The following SLC17A1 variants were observed in gnomAD, a reference collection of about 807,000 sequenced individuals.
SLC17A1 encodes sodium-dependent phosphate transport protein 1.
In SLC17A1, 51 loss-of-function variants were observed where a neutral mutation model predicts 53.5. The ratio of observed to expected loss-of-function variants is 0.95; its 90% CI spans 0.76 to 1.20. SLC17A1 has a LOEUF of 1.20. SLC17A1 is among the 50% of genes most tolerant of loss of function. The pLI is 0.00. For synonymous variants in SLC17A1, 179 were observed against 198.8 expected, an observed-to-expected ratio of 0.90 and a Z score of 0.84; for missense variants, 538 against 568.2, an observed-to-expected ratio of 0.95 and a Z score of 0.54.
In SLC17A1 at chr6:25,820,583, A is replaced by G. The variant is rs1319881379; in HGVS notation, c.208-668T>C. The stretch of plus-strand genomic sequence containing the variant: ...AGGGCCTTCTATTGTTTCTTTTTAC[A>G]TTATTAAAGAATGATGGCCGGGCGC... On this transcript the variant is annotated intron_variant, in intron 3 of 12. Transcript: ENST00000244527. Among the ~76,000 whole-genome samples the G allele has an allele frequency of 2.6e-5, 4 of 152,086 alleles. No individual in the cohort carries two copies. The East Asian group carries it at 5.8e-4, about 22-fold the overall frequency.
the SLC17A1 span, among the ~76,000 whole-genome samples, chr6:25,767,251 A>G: frequency 6.6e-6 from 1 of 152,232 alleles, no homozygotes; most frequent in Non-Finnish European, 1.5e-5. Context: ...GCTCAACTAT[A>G]TATACTAAAT....
At chr6:25,800,068 C>T (rs1461492225) in intron 11 of SLC17A1, among the ~76,000 whole-genome samples, 11 of 152,136 alleles carry the variant, frequency 7.2e-5, no homozygotes, top group Admixed American at 7.2e-4. Context: ...CTACACACTA[C>T]CATTCCTTTG....
At chr6:25,726,505 C>A in the SLC17A1 span, 1 of 1,610,860 alleles carries the variant, frequency 6.2e-7, no homozygotes, top group Admixed American at 1.7e-5. Context: ...TGCTTTTCCT[C>A]CCTGCTTCCC....
the SLC17A1 span, chr6:25,770,431 C>T: frequency 4.4e-5 from 71 of 1,613,978 alleles, no homozygotes; most frequent in African/African-American, 7.2e-4. Flanking sequence ...AATGGGCTCC[C>T]CCACTGGAAA....
the SLC17A1 span, among the ~76,000 whole-genome samples, chr6:25,728,398 G>A: frequency 6.6e-6 from 1 of 152,144 alleles, no homozygotes; most frequent in Non-Finnish European, 1.5e-5. Context: ...CCTTAAAAAT[G>A]GATCAAATAT....
chr6:25,767,442 C>T, the SLC17A1 span, among the ~76,000 whole-genome samples: 5 of 152,118 alleles, frequency 3.3e-5, no homozygotes, highest in Admixed American at 6.6e-5. Flanking sequence ...TGTTATTAAT[C>T]TCATTTTTCA....
the SLC17A1 span, among the ~76,000 whole-genome samples, chr6:25,764,830 C>T: frequency 6.3e-4 from 96 of 152,274 alleles, no homozygotes; most frequent in Non-Finnish European, 1.1e-3. Flanking sequence ...GCATCAGGGG[C>T]CAGTGCTACA....
chr6:25,819,226 G>T, intron 5 of SLC17A1, 72 bp from the exon 6 acceptor site: 1 of 1,043,590 alleles, frequency 9.6e-7, no homozygotes. Flanking sequence ...TAGCCTCACT[G>T]TAGCAATGAA....
chr6:25,726,647 T>C, the SLC17A1 span: 1 of 1,290,778 alleles, frequency 7.7e-7, no homozygotes, highest in Non-Finnish European at 1.1e-6. Flanking sequence ...GTCTACCCAA[T>C]CAGAAAGTCG....
rs1449230965 is a variant in SLC17A1, at chr6:25,814,983, TCACACAAACACACACACA to T, written c.617-1788_617-1771del. On this transcript the variant is annotated intron_variant, in intron 6 of 12. Transcript: ENST00000244527. ...GCTGGCCGACAAAAGCAAGACTCTG[TCACACAAACACACACACA>T]CACACACACACACACACACACACAC... Among the ~76,000 whole-genome samples the T allele has an allele frequency of 5.6e-3, 783 of 140,540 alleles. 5 individuals are homozygous for T. The highest frequency in any genetic ancestry group is 9.1e-3 in the African/African-American group (343 of 37,714). The allele number at this position is 140,540 out of a possible 152,430, so 92.2% of individuals were successfully genotyped here.
intron 6 of SLC17A1, among the ~76,000 whole-genome samples, chr6:25,813,929 G>A (rs911617520): frequency 1.3e-5 from 2 of 152,100 alleles, no homozygotes; most frequent in African/African-American, 4.8e-5. Flanking sequence ...TCTTTTTATG[G>A]CTGCATAGTA....
the SLC17A1 span, chr6:25,726,904 T>C: frequency 9.9e-6 from 16 of 1,608,954 alleles, no homozygotes; most frequent in African/African-American, 1.3e-5. Flanking sequence ...AAGTGTGTGG[T>C]AGCTATGCCG....
chr6:25,764,574 A>T, the SLC17A1 span, among the ~76,000 whole-genome samples: 8 of 152,260 alleles, frequency 5.3e-5, no homozygotes, highest in Admixed American at 1.3e-4. Context: ...GAGAGGAGCC[A>T]AGAGCTCATA....
Position 25,819,595 on chromosome 6 carries a change from T to A in SLC17A1, c.445A>T (p.Ile149Leu). 6.2e-7 allele frequency: 1 copy of A among 1,613,804 alleles called. No individual in the cohort carries two copies. The highest frequency in any genetic ancestry group is 8.5e-7 in the Non-Finnish European group (1 of 1,179,708). Residue 149 changes from isoleucine (I) to leucine (L), a missense_variant, in exon 5 of 13, where the codon ATA (isoleucine) becomes TTA (leucine). Ile to Leu is a conservative substitution (Grantham distance 5). Coordinates refer to ENST00000244527, the MANE Select transcript of SLC17A1 (RefSeq NM_005074.5). Reference sequence around the variant, plus strand: ...ATTTCAAACTGGGCTGTTGCAACTATCCCCTGAAATGAGAAAGGTTTGACA... The same window carrying A: ...ATTTCAAACTGGGCTGTTGCAACTAACCCCTGAAATGAGAAAGGTTTGACA... ...CRAVQGAAQG[I>L]VATAQFEIYV...
chr6:25,777,086 A>G, the SLC17A1 span: 1 of 979,912 alleles, frequency 1.0e-6, no homozygotes, highest in Non-Finnish European at 1.5e-6. Context: ...CACCAGCTCT[A>G]CATCCTACAT....
intron 10 of SLC17A1, among the ~76,000 whole-genome samples, chr6:25,806,948 G>A (rs973288932): frequency 3.3e-5 from 5 of 152,070 alleles, no homozygotes; most frequent in African/African-American, 1.2e-4. Context: ...CTAATTATCA[G>A]TGAAATGCAA....
chr6:25,742,660 C>A, the SLC17A1 span, among the ~76,000 whole-genome samples: 1 of 151,784 alleles, frequency 6.6e-6, no homozygotes, highest in East Asian at 1.9e-4. Flanking sequence ...GAAATTTAGT[C>A]GGGTGTGGTG....
chr6:25,724,592 T>TGTA, the SLC17A1 span, among the ~76,000 whole-genome samples: 1 of 152,252 alleles, frequency 6.6e-6, no homozygotes, highest in Non-Finnish European at 1.5e-5. Context: ...AAAAGTATTA[T>TGTA]GTAGTGCATT....
chr6:25,773,530 G>T, the SLC17A1 span: 2 of 1,613,876 alleles, frequency 1.2e-6, no homozygotes, highest in Non-Finnish European at 1.7e-6. Context: ...CACCAGGCTG[G>T]TCTCTTCCCA....
Sources: allele counts gnomAD v4.1 joint callset (sites outside exome capture counted in the v4.1 genomes callset), GRCh38; gene constraint gnomAD v4.1.1; transcripts MANE v1.5; gene names NCBI Gene and HGNC (gene_info 2026-07-23, HGNC 2026-07-21).